The following MPHOSPH9 variants were observed in gnomAD, a reference collection of about 807,000 sequenced individuals.
The protein encoded by MPHOSPH9 is M-phase phosphoprotein 9.
In MPHOSPH9, 88 loss-of-function variants were observed where a neutral mutation model predicts 145.5. That is an observed-to-expected ratio of 0.60 (90% CI 0.51 to 0.72). MPHOSPH9 has a LOEUF of 0.72. Among genes scored for constraint, MPHOSPH9 ranks in the 30% least tolerant of loss-of-function variants. MPHOSPH9 has a pLI of 0.00. For missense variants in MPHOSPH9, 1,238 were observed against 1,386.6 expected, an observed-to-expected ratio of 0.89 and a Z score of 1.70; for synonymous variants, 435 against 486.2, an observed-to-expected ratio of 0.89 and a Z score of 1.39.
At chr12:123,231,035 A>C (rs1406979997) in intron 1 of MPHOSPH9, among the ~76,000 whole-genome samples, 1 of 152,194 alleles carries the variant, frequency 6.6e-6, no homozygotes, top group African/African-American at 2.4e-5. Flanking sequence ...TAAAAGACTG[A>C]ATTTTATGGT....
chr12:123,227,708 A>T, intron 2 of MPHOSPH9, 92 bp from the exon 3 acceptor site: 1 of 1,085,220 alleles, frequency 9.2e-7, no homozygotes, highest in Non-Finnish European at 1.2e-6. Flanking sequence ...GCAGTACAAA[A>T]CCACTGACAT....
chr12:123,202,397 A>G, intron 10 of MPHOSPH9, 78 bp from the exon 11 acceptor site: 1 of 1,424,332 alleles, frequency 7.0e-7, no homozygotes, highest in Admixed American at 2.4e-5. Flanking sequence ...CCAAGAACAC[A>G]ATGATTCTCA....
chr12:123,223,482 T>C (rs2047303130), intron 3 of MPHOSPH9, among the ~76,000 whole-genome samples: 1 of 152,140 alleles, frequency 6.6e-6, no homozygotes, highest in Admixed American at 6.6e-5. Flanking sequence ...CCTACGCACC[T>C]CTCCACTTCA....
rs1055500549 is a variant in MPHOSPH9 at position 123,159,187 on chromosome 12, C to G, written c.3450+1594G>C. On this transcript the variant is annotated intron_variant, in intron 23 of 23. Coordinates refer to ENST00000606320, the MANE Select transcript of MPHOSPH9 (RefSeq NM_022782.4). This position sits in a 1 kb window ranked among gnomAD's most constrained non-coding sequence, Gnocchi z 4.3. ...TTTTTTTATTATTCTTTTTCAGAGACGGAGTCTTGCTCTGTCACCCAGGCC... is the reference window on the plus strand; with the variant it reads ...TTTTTTTATTATTCTTTTTCAGAGAGGGAGTCTTGCTCTGTCACCCAGGCC... 6.6e-6 allele frequency among the ~76,000 whole-genome samples: 1 copy of G among 151,936 alleles called. No homozygotes were observed. Among genetic ancestry groups the G allele is most frequent in the Non-Finnish European group, 1.5e-5 (1 of 67,998 alleles).
rs147411746 is a variant in MPHOSPH9 at position 123,218,495 on chromosome 12, C to A, written c.877G>T (p.Ala293Ser). The A allele has an allele frequency of 3.0e-5, 49 of 1,611,456 alleles. No individual in the cohort carries two copies. In the African/African-American group the frequency reaches 5.6e-4, roughly 18 times the overall value. The part of the protein sequence containing the change: ...EVYSGKTNSN[A>S]ITSWAQKLKQ... ...AGTTTTTGTGCCCATGATGTTATAG[C>A]ATTACTATTTAAGAAGAGAAAACCA... The change falls in exon 6 of 24, where the codon GCT becomes TCT. Residue 293 changes from alanine (A) to serine (S), a missense_variant. This residue lies in a region of MPHOSPH9 where 837 missense variants were observed against 897.5 expected (regional missense o/e 0.93). Coordinates refer to ENST00000606320, the MANE Select transcript of MPHOSPH9 (RefSeq NM_022782.4).
Position 123,164,180 on chromosome 12 carries a change from ATGGTTACAC to A in MPHOSPH9, c.2768-99_2768-91del. On this transcript the variant is annotated intron_variant, in intron 18 of 23. Coordinates refer to ENST00000606320, the MANE Select transcript of MPHOSPH9 (RefSeq NM_022782.4). ...CACCTTTATTAACAGGTGGTTACAC[ATGGTTACAC>A]ACCAAGCCCCACAGCTTAGGTTCTG... The A allele has an allele frequency of 6.9e-6, 10 of 1,448,456 alleles. No individual in the cohort carries two copies. In the South Asian group the frequency reaches 1.2e-4, roughly 17 times the overall value. The allele number at this position is 1,448,456 out of a possible 1,614,324, so 89.7% of individuals were successfully genotyped here. A position where few individuals can be genotyped will look rare whatever the true frequency, so the allele number is the denominator to read the frequency against.
intron 5 of MPHOSPH9, 63 bp from the exon 6 acceptor site, chr12:123,218,562 G>A: frequency 2.6e-6 from 4 of 1,517,512 alleles, no homozygotes; most frequent in South Asian, 1.2e-5. Flanking sequence ...GTCTTGCTGT[G>A]TCGCCCAGGC....
Position 123,203,302 on chromosome 12 carries a change from T to C in MPHOSPH9, c.1268A>G (p.Gln423Arg), listed in dbSNP as rs765701589. Reference sequence around the variant, plus strand: ...AGAAGTGAGATTCCTCTCAGGTAACTGCTTGTTTTCCCTTTGTTTTTTATA... The same window carrying C: ...AGAAGTGAGATTCCTCTCAGGTAACCGCTTGTTTTCCCTTTGTTTTTTATA... ...IYYKKQRENK[Q>R]LPERNLTSAS... Residue 423 changes from glutamine to arginine, a missense_variant, in exon 9 of 24, where the codon CAG (glutamine) becomes CGG (arginine). Transcript: ENST00000606320. 3.1e-6 allele frequency: 5 copies of C among 1,613,704 alleles called. No individual in the cohort carries two copies. The South Asian group carries it at 5.5e-5, about 18-fold the overall frequency.
chr12:123,234,182 C>T (rs1046349798), upstream of MPHOSPH9, among the ~76,000 whole-genome samples: 3 of 152,178 alleles, frequency 2.0e-5, no homozygotes, highest in Non-Finnish European at 4.4e-5. Context: ...CCACATTCTT[C>T]AGCATAGTTA....
chr12:123,217,941 A>G (rs2047036261), intron 6 of MPHOSPH9, among the ~76,000 whole-genome samples: 1 of 151,980 alleles, frequency 6.6e-6, no homozygotes, highest in African/African-American at 2.4e-5. Context: ...GCTACTTGGG[A>G]AGCTGAGGCA....
intron 3 of MPHOSPH9, among the ~76,000 whole-genome samples, chr12:123,223,610 C>T (rs767539232): frequency 6.6e-6 from 1 of 152,318 alleles, no homozygotes; most frequent in Middle Eastern, 3.4e-3. Flanking sequence ...CATCACCTCG[C>T]GAGCTCTTGC....
Position 123,227,620 on chromosome 12 carries a change from T to C in MPHOSPH9, c.105-4A>G. 1 of 1,499,598 alleles carries C rather than the reference T, an allele frequency of 6.7e-7. No homozygotes were observed. The highest frequency in any genetic ancestry group is 8.8e-7 in the Non-Finnish European group (1 of 1,132,552). The allele number at this position is 1,499,598 out of a possible 1,614,324, so 92.9% of individuals were successfully genotyped here. On this transcript the variant is annotated splice_region_variant and splice_polypyrimidine_tract_variant and intron_variant, in intron 2 of 23. Transcript: ENST00000606320. ...TGTACTAAGGTGGGGACTACTTCTG[T>C]TGAAACATAAATAATTCAAATGGTT...
In MPHOSPH9 at chr12:123,176,809, G is replaced by A. The variant is rs749951993; in HGVS notation, c.2355-20C>T. The A allele has an allele frequency of 8.5e-5, 131 of 1,544,764 alleles. No homozygotes were observed. Among genetic ancestry groups the A allele is most frequent in the Middle Eastern group, 1.8e-4 (1 of 5,480 alleles). On this transcript the variant is annotated intron_variant, in intron 15 of 23. Transcript: ENST00000606320. Reference sequence around the variant, plus strand: ...ATCATTCTAATTCAAAAGCAATAAAGATAAATTAAGTACATTTCAACAAAT... The same window carrying A: ...ATCATTCTAATTCAAAAGCAATAAAAATAAATTAAGTACATTTCAACAAAT...
chr12:123,161,070 C>A (rs2044084638), intron 22 of MPHOSPH9, 66 bp downstream of exon 22: 1 of 1,558,316 alleles, frequency 6.4e-7, no homozygotes, highest in South Asian at 1.2e-5. Context: ...CTCAATAATT[C>A]CCTTCTCCTT....
intron 6 of MPHOSPH9, 90 bp from the exon 7 acceptor site, chr12:123,214,924 T>C: frequency 1.9e-6 from 2 of 1,069,900 alleles, no homozygotes; most frequent in Non-Finnish European, 2.9e-6. Flanking sequence ...TCAAACCAGG[T>C]GGGGAGAAAC....
At chr12:123,163,462 C>T in intron 19 of MPHOSPH9, 1 of 227,212 alleles carries the variant, frequency 4.4e-6, no homozygotes, top group Non-Finnish European at 8.5e-6. Context: ...AGAATCTCCT[C>T]AGCTGGTGTG....
In MPHOSPH9 at chr12:123,202,681, T is replaced by A; in HGVS notation, c.1724A>T (p.Asn575Ile). The A allele has an allele frequency of 1.2e-6, 2 of 1,614,172 alleles. No individual in the cohort carries two copies. The highest frequency in any genetic ancestry group is 2.2e-5 in the South Asian group (2 of 91,088). ...VSQSQLPGTA[N>I]SVPECISLTS... is the part of the protein sequence containing the mutation. ...CAATGAAATGCATTCTGGGACACTG[T>A]TGGCTGTACCTGGAAGCTGGGACTG... The change falls in exon 10 of 24, where the codon AAC (asparagine) becomes ATC (isoleucine). Residue 575 changes from asparagine (N) to isoleucine (I), a missense_variant. By Grantham distance (149) the Asn-to-Ile change is moderately radical. Around this residue, in one of 3 missense-constraint regions of MPHOSPH9, gnomAD observed 837 missense variants for 897.5 expected, o/e 0.93. Coordinates refer to ENST00000606320, the MANE Select transcript of MPHOSPH9 (RefSeq NM_022782.4).
chr12:123,231,589 C>G (rs1299060564), intron 1 of MPHOSPH9, among the ~76,000 whole-genome samples: 1 of 152,122 alleles, frequency 6.6e-6, no homozygotes, highest in Non-Finnish European at 1.5e-5. Context: ...CCCAGCTACT[C>G]TGGAGGCTGA....
chr12:123,188,028 G>A (rs2045524462), intron 13 of MPHOSPH9, among the ~76,000 whole-genome samples: 1 of 152,112 alleles, frequency 6.6e-6, no homozygotes, highest in Non-Finnish European at 1.5e-5. Context: ...TCAGGAGGTT[G>A]AGGCAAGAGA....
Sources: gnomAD v4.1 joint callset for allele counts (sites outside exome capture counted in the v4.1 genomes callset) on GRCh38, gnomAD v4.1.1 for gene constraint, gnomAD v4.1.1 regional missense constraint, Gnocchi (gnomAD v3.1) non-coding constraint, MANE v1.5 for transcripts, NCBI Gene and HGNC (gene_info 2026-07-23, HGNC 2026-07-21) for gene names.